Variants in NFATC2IP observed in about 807,000 individuals in gnomAD.
The protein encoded by NFATC2IP is nuclear factor of activated T cells 2 interacting protein, also known as NFATC2-interacting protein.
NFATC2IP carries 25 observed loss-of-function variants against 40.2 expected under a neutral mutation model. The observed-to-expected ratio is 0.62, with a 90% CI of 0.45 to 0.87. The LOEUF is 0.87. Among genes scored for constraint, NFATC2IP ranks in the 40% least tolerant of loss-of-function variants. NFATC2IP has a pLI of 0.00. For synonymous variants in NFATC2IP, 241 were observed against 236.3 expected, an observed-to-expected ratio of 1.02 and a Z score of -0.18; for missense variants, 553 against 555.6, an observed-to-expected ratio of 1.00 and a Z score of 0.05.
chr16:28,953,005 G>C (rs1043062226), intron 2 of NFATC2IP, among the ~76,000 whole-genome samples: 1 of 151,974 alleles, frequency 6.6e-6, no homozygotes, highest in African/African-American at 2.4e-5. Context: ...CAAATTGCTG[G>C]GATTACAGGC....
intron 7 of NFATC2IP, among the ~76,000 whole-genome samples, chr16:28,961,954 A>AGT (rs1201166922): frequency 6.9e-6 from 1 of 144,118 alleles, no homozygotes; most frequent in Non-Finnish European, 1.5e-5. Context: ...CCCAGGCTGG[A>AGT]GTGCAGTGGT....
Position 28,966,887 on chromosome 16 carries a change from A to G in NFATC2IP, c.*3024A>G, listed in dbSNP as rs929917896. On this transcript the variant is annotated 3_prime_UTR_variant, in exon 8 of 8. Coordinates refer to ENST00000320805, the MANE Select transcript of NFATC2IP (RefSeq NM_032815.4). ...AAAAAAAAGCCATTAACCTTTCTCT[A>G]ATATTTGCATGATTCTAATAAAAGT... 2.6e-5 allele frequency: 4 copies of G among 152,180 alleles called. No individual in the cohort carries two copies. The highest frequency in any genetic ancestry group is 6.5e-5 in the Admixed American group (1 of 15,268). The allele number at this position is 152,180 out of a possible 1,614,324, so 9.4% of individuals were successfully genotyped here.
chr16:28,953,452 T>G (rs187057257), intron 2 of NFATC2IP, among the ~76,000 whole-genome samples: 129 of 152,324 alleles, frequency 8.5e-4, no homozygotes, highest in Middle Eastern at 3.4e-3. Flanking sequence ...ATTTTGGTGC[T>G]GATTTTGGTG....
chr16:28,951,117 C>T lies in NFATC2IP; in HGVS notation c.106C>T (p.Arg36Trp). The change falls in exon 1 of 8, where the codon CGG becomes TGG. Residue 36 changes from arginine (R) to tryptophan (W), a missense_variant. Transcript: ENST00000320805. ...TCGGGGCCGGCGTCCTCGGGCCCAGCGGTCTCCATCCCGGGGCACGCTGGA... is the reference window on the plus strand; with the variant it reads ...TCGGGGCCGGCGTCCTCGGGCCCAGTGGTCTCCATCCCGGGGCACGCTGGA... ...GGRGRRPRAQ[R>W]SPSRGTLDVV... The T allele has an allele frequency of 5.2e-6, 8 of 1,544,312 alleles. No homozygotes were observed. Among genetic ancestry groups the T allele is most frequent in the Admixed American group, 2.0e-5 (1 of 50,662 alleles).
intron 2 of NFATC2IP, 76 bp downstream of exon 2, chr16:28,952,280 C>T (rs776977783): frequency 6.3e-7 from 1 of 1,598,498 alleles, no homozygotes. Context: ...TATATTCCTG[C>T]AGTCAGTTGT....
At chr16:28,956,436 T>C in intron 5 of NFATC2IP, 99 bp downstream of exon 5, 1 of 825,800 alleles carries the variant, frequency 1.2e-6, no homozygotes, top group Non-Finnish European at 1.9e-6. Flanking sequence ...CTGTCATCCT[T>C]TTCCCATCCT....
In NFATC2IP at chr16:28,951,201, G is replaced by A. The variant is rs1405798815; in HGVS notation, c.190G>A (p.Ala64Thr). The A allele has an allele frequency of 6.5e-7, 1 of 1,537,452 alleles. No individual in the cohort carries two copies. Among genetic ancestry groups the A allele is most frequent in the South Asian group, 1.2e-5 (1 of 82,714 alleles). The stretch of plus-strand genomic sequence containing the variant: ...TGAGGAAATTCTGGAGGTCGCCACC[G>A]CTCGCGGTGCCGCGGACGAGGTTGA... ...SDEEILEVAT[A>T]RGAADEVEVE... Residue 64 changes from alanine (A) to threonine (T), a missense_variant, in exon 1 of 8, where the codon GCT becomes ACT. Coordinates refer to ENST00000320805, the MANE Select transcript of NFATC2IP (RefSeq NM_032815.4).
chr16:28,955,827 G>A (rs1487567588), intron 3 of NFATC2IP, 151 bp from the exon 4 acceptor site: 7 of 659,398 alleles, frequency 1.1e-5, no homozygotes, highest in Admixed American at 2.6e-5. Flanking sequence ...GGGCTCGAGC[G>A]ATCCTCCTGG....
chr16:28,954,117 C>T (rs562461434), intron 2 of NFATC2IP, among the ~76,000 whole-genome samples: 1 of 152,188 alleles, frequency 6.6e-6, no homozygotes, highest in Non-Finnish European at 1.5e-5. Context: ...TATACCTCAG[C>T]CCCCTCGCCC....
intron 5 of NFATC2IP, 32 bp downstream of exon 5, chr16:28,956,369 C>A: frequency 6.4e-7 from 1 of 1,569,200 alleles, no homozygotes; most frequent in Admixed American, 1.7e-5. Context: ...GAGAAGGACC[C>A]AGGAGCTGCT....
chr16:28,955,384 C>G (rs1478059217), intron 3 of NFATC2IP, among the ~76,000 whole-genome samples: 1 of 152,144 alleles, frequency 6.6e-6, no homozygotes, highest in East Asian at 1.9e-4. Context: ...CAAGACCAGC[C>G]TGGGCAACAC....
chr16:28,958,459 C>T (rs915726132), intron 5 of NFATC2IP: 22 of 393,516 alleles, frequency 5.6e-5, no homozygotes, highest in African/African-American at 4.4e-4. Flanking sequence ...GTCTAGGTGG[C>T]ATGTGAATTC....
At position 28,952,134 on chromosome 16, in the gene NFATC2IP, T is replaced by TTGTCTTTGC; in HGVS notation, c.390_391insTGTCTTTGC (p.Val130_Lys131insCysLeuCys). 2 of 1,613,968 alleles carry TTGTCTTTGC rather than the reference T, an allele frequency of 1.2e-6. No individual in the cohort carries two copies. The highest frequency in any genetic ancestry group is 8.5e-7 in the Non-Finnish European group (1 of 1,179,902). On this transcript the variant is annotated inframe_insertion, in exon 2 of 8. Transcript: ENST00000320805. Reference sequence around the variant, plus strand: ...CTCTCCCTTCTTTGTCTTTGCAGGTTAAAAGCAGCCTTCGCCTTATCCCAG... The same window carrying TTGTCTTTGC: ...CTCTCCCTTCTTTGTCTTTGCAGGTTTGTCTTTGCAAAAGCAGCCTTCGCCTTATCCCAG...
chr16:28,951,426 G>A (rs1964965589), intron 1 of NFATC2IP, 28 bp downstream of exon 1: 7 of 1,381,082 alleles, frequency 5.1e-6, no homozygotes, highest in Non-Finnish European at 6.5e-6. Flanking sequence ...GAGGGGACCG[G>A]CGGAAGGGCC....
At position 28,966,672 on chromosome 16, in the gene NFATC2IP, TCGCTTGAAC is replaced by T. The variant is rs1965151296; in HGVS notation, c.*2811_*2819del. On this transcript the variant is annotated 3_prime_UTR_variant, in exon 8 of 8. Coordinates refer to ENST00000320805, the MANE Select transcript of NFATC2IP (RefSeq NM_032815.4). ...ACTTCGGGAGGCTGAGGCAGGAGAA[TCGCTTGAAC>T]CCAGGAGGCAGAGGTTGCAGTGAGC... 1 of 148,048 alleles carries T rather than the reference TCGCTTGAAC, an allele frequency of 6.8e-6. No individual in the cohort carries two copies. Among genetic ancestry groups the T allele is most frequent in the Non-Finnish European group, 1.5e-5 (1 of 67,548 alleles). The allele number at this position is 148,048 out of a possible 1,614,324, so 9.2% of individuals were successfully genotyped here. A position where few individuals can be genotyped will look rare whatever the true frequency, so the allele number is the denominator to read the frequency against.
Position 28,963,880 on chromosome 16 carries a change from T to G in NFATC2IP, c.*17T>G. ...TGGGGCTGACACCCCACTCCCTGTTTGACGGCCCAGCCTGGACTTGGGGAG... is the reference window on the plus strand; with the variant it reads ...TGGGGCTGACACCCCACTCCCTGTTGGACGGCCCAGCCTGGACTTGGGGAG... On this transcript the variant is annotated 3_prime_UTR_variant, in exon 8 of 8. Coordinates refer to ENST00000320805, the MANE Select transcript of NFATC2IP (RefSeq NM_032815.4). 6.2e-7 allele frequency: 1 copy of G among 1,613,470 alleles called. No homozygotes were observed.
chr16:28,961,833 G>A (rs970616124), intron 7 of NFATC2IP, among the ~76,000 whole-genome samples: 2 of 150,354 alleles, frequency 1.3e-5, no homozygotes, highest in Admixed American at 1.3e-4. Flanking sequence ...CTGGGAGGCG[G>A]AGGTTGCAGT....
chr16:28,958,561 C>A (rs766580769), intron 5 of NFATC2IP, 156 bp from the exon 6 acceptor site: 2 of 664,374 alleles, frequency 3.0e-6, no homozygotes, highest in African/African-American at 3.6e-5. Flanking sequence ...CTTGCTGACA[C>A]GATTTTATTC....
Position 28,951,254 on chromosome 16 carries a change from G to A in NFATC2IP, c.243G>A (p.Pro81=), listed in dbSNP as rs916672718. 2.3e-5 allele frequency: 34 copies of A among 1,489,072 alleles called. No homozygotes were observed. Among genetic ancestry groups the A allele is most frequent in the Non-Finnish European group, 2.9e-5 (32 of 1,113,744 alleles). The allele number at this position is 1,489,072 out of a possible 1,614,324, so 92.2% of individuals were successfully genotyped here. A position where few individuals can be genotyped will look rare whatever the true frequency, so the allele number is the denominator to read the frequency against. Residue 81 remains proline (P), a synonymous_variant, in exon 1 of 8, where the codon CCG becomes CCA. Coordinates refer to ENST00000320805, the MANE Select transcript of NFATC2IP (RefSeq NM_032815.4). ...TGGAGCCCCCGGAGCCCCCGGGGCC[G>A]GTCGCGTCCCGGGATAACAGCAACA... ...VEVEPPEPPG[P]VASRDNSNSD...
Sources: allele counts gnomAD v4.1 joint callset (sites outside exome capture counted in the v4.1 genomes callset), GRCh38; gene constraint gnomAD v4.1.1; transcripts MANE v1.5; gene names NCBI Gene and HGNC (gene_info 2026-07-23, HGNC 2026-07-21).